The following MEF2C variants were observed in gnomAD, a reference collection of about 807,000 sequenced individuals.
MEF2C encodes the protein myocyte-specific enhancer factor 2C.
In MEF2C, 6 loss-of-function variants were observed where a neutral mutation model predicts 50.5. The ratio of observed to expected loss-of-function variants is 0.12; its 90% CI spans 0.07 to 0.23. The LOEUF (loss-of-function observed/expected upper bound fraction) is 0.23. Ranked by LOEUF, MEF2C falls within the 10% of genes least tolerant of loss-of-function variation. The probability of loss-of-function intolerance (pLI) is 1.00; values close to 1 mark genes in which losing one functional copy is unlikely to be tolerated. For missense variants in MEF2C, 276 were observed against 605.0 expected, an observed-to-expected ratio of 0.46 and a Z score of 5.70; for synonymous variants, 183 against 228.0, an observed-to-expected ratio of 0.80 and a Z score of 1.78.
intron 10 of MEF2C, among the ~76,000 whole-genome samples, chr5:88,724,574 T>C (rs531337585): frequency 9.2e-5 from 14 of 152,290 alleles, no homozygotes; most frequent in African/African-American, 3.4e-4. Context: ...CTACACTGAC[T>C]GTATATAATT....
intron 4 of MEF2C, chr5:88,760,883 C>G: frequency 7.9e-7 from 1 of 1,262,848 alleles, no homozygotes; most frequent in East Asian, 2.4e-5. Flanking sequence ...GGCTATTTAT[C>G]TGTTTGACTT....
intron 1 of MEF2C, among the ~76,000 whole-genome samples, chr5:88,898,504 G>C (rs924854718): frequency 1.3e-5 from 2 of 152,104 alleles, no homozygotes; most frequent in Non-Finnish European, 2.9e-5. Context: ...AGGAAAATAG[G>C]ACTGGCACTG....
chr5:88,733,763 T>C, intron 6 of MEF2C: 1 of 985,328 alleles, frequency 1.0e-6, no homozygotes, highest in Non-Finnish European at 1.2e-6. Context: ...TGAATAAAAT[T>C]ATCCCAGTTC....
At position 88,747,333 on chromosome 5, in the gene MEF2C, CTTTTTTTTTTTT is replaced by C. The variant is rs950842424; in HGVS notation, c.637+1725_637+1736del. ...CTCCACATTTTTTTTTTTTTTACTA[CTTTTTTTTTTTT>C]TTTTTTTTTTTTTTTTTTTTTGAGA... is the stretch of plus-strand genomic sequence containing the variant. On this transcript the variant is annotated intron_variant, in intron 6 of 10. Transcript: ENST00000504921. Among the ~76,000 whole-genome samples the C allele has an allele frequency of 1.1e-3, 23 of 21,748 alleles. No homozygotes were observed. The East Asian group carries it at 0.016, about 16-fold the overall frequency. 14.3% of individuals were successfully genotyped at this position (21,748 alleles called of 152,430 possible). A position where few individuals can be genotyped will look rare whatever the true frequency, so the allele number is the denominator to read the frequency against.
intron 9 of MEF2C, among the ~76,000 whole-genome samples, chr5:88,728,898 G>A (rs963125915): frequency 3.3e-5 from 5 of 152,092 alleles, no homozygotes; most frequent in African/African-American, 1.2e-4. Context: ...CTAGTATAAA[G>A]GTATGTACAT....
chr5:88,803,679 C>A (rs915944896), intron 3 of MEF2C, among the ~76,000 whole-genome samples: 9 of 152,252 alleles, frequency 5.9e-5, no homozygotes, highest in African/African-American at 2.2e-4. Flanking sequence ...TTAATCATTG[C>A]TCATGAAGGG....
chr5:88,736,761 C>T (rs1764297836), intron 6 of MEF2C: 2 of 985,292 alleles, frequency 2.0e-6, no homozygotes, highest in Admixed American at 6.1e-5. Context: ...CCCTGCCTGG[C>T]TCTCAGAACT....
chr5:88,810,683 G>A (rs1475597154), intron 2 of MEF2C, among the ~76,000 whole-genome samples: 3 of 152,106 alleles, frequency 2.0e-5, no homozygotes, highest in Admixed American at 6.6e-5. Flanking sequence ...TAATGAGGCC[G>A]ACTTAATTGA....
At chr5:88,825,980 G>A (rs1029674780) in intron 1 of MEF2C, 4 of 152,004 alleles carry the variant, frequency 2.6e-5, no homozygotes, top group African/African-American at 9.7e-5. Context: ...GAAGAGACAA[G>A]AACATCTACA....
At chr5:88,800,451 C>T (rs1797885115) in intron 3 of MEF2C, among the ~76,000 whole-genome samples, 1 of 152,192 alleles carries the variant, frequency 6.6e-6, no homozygotes, top group Non-Finnish European at 1.5e-5. Flanking sequence ...GTTTCAGAGT[C>T]TCTTCCACAG....
At chr5:88,901,771 G>A (rs559960063) in intron 1 of MEF2C, among the ~76,000 whole-genome samples, 1 of 151,910 alleles carries the variant, frequency 6.6e-6, no homozygotes, top group Non-Finnish European at 1.5e-5. Flanking sequence ...AAACATAGCT[G>A]CATGGTGGAC....
chr5:88,877,965 A>G (rs1419738926), intron 1 of MEF2C: 1 of 152,038 alleles, frequency 6.6e-6, no homozygotes, highest in Non-Finnish European at 1.5e-5. Flanking sequence ...CAATTCTCCA[A>G]GGGAAGAAAT....
intron 2 of MEF2C, among the ~76,000 whole-genome samples, chr5:88,822,410 C>T (rs1056297822): frequency 6.6e-6 from 1 of 151,822 alleles, no homozygotes; most frequent in Non-Finnish European, 1.5e-5. Flanking sequence ...CAGCAAGAAA[C>T]GATGTGCATG....
chr5:88,726,384 T>C (rs1758750800), intron 10 of MEF2C, among the ~76,000 whole-genome samples: 1 of 152,198 alleles, frequency 6.6e-6, no homozygotes, highest in Non-Finnish European at 1.5e-5. Flanking sequence ...TTACTTTACA[T>C]AAGTATTGCA....
At chr5:88,853,075 T>A (rs1184531319) in intron 1 of MEF2C, among the ~76,000 whole-genome samples, 1 of 151,920 alleles carries the variant, frequency 6.6e-6, no homozygotes, top group Non-Finnish European at 1.5e-5. Flanking sequence ...CTGAAAAAAA[T>A]TAATTGGGCA....
At chr5:88,865,021 G>GA (rs765216680) in intron 1 of MEF2C, among the ~76,000 whole-genome samples, 16 of 151,902 alleles carry the variant, frequency 1.1e-4, no homozygotes, top group Middle Eastern at 3.4e-3. Flanking sequence ...ACCTGCCTCC[G>GA]AAAGTGCTGG....
At position 88,749,098 on chromosome 5, in the gene MEF2C, G is replaced by C; in HGVS notation, c.609C>G (p.Asp203Glu). The C allele has an allele frequency of 6.3e-7, 1 of 1,575,832 alleles. No individual in the cohort carries two copies. The highest frequency in any genetic ancestry group is 8.6e-7 in the Non-Finnish European group (1 of 1,160,060). ...CACTGGTGCCTGCACCAGACGTGAG[G>C]TCTCCACCCATCAGACCACCTATGG... ...AGNTGGLMGG[D>E]LTSGAGTSAG... Residue 203 changes from aspartate to glutamate, a missense_variant, in exon 6 of 11, where the codon GAC becomes GAG. Coordinates refer to ENST00000504921, the MANE Select transcript of MEF2C (RefSeq NM_002397.5).
chr5:88,797,394 CT>C lies in MEF2C; in HGVS notation c.258+7203del, dbSNP rs897252115. ...CCATTATGTAATGCCCTTCTTGAGT[CT>C]TTTTTTATCTTTGTTGGTTTAAAGT... is the stretch of plus-strand genomic sequence containing the variant. On this transcript the variant is annotated intron_variant, in intron 3 of 10. Coordinates refer to ENST00000504921, the MANE Select transcript of MEF2C (RefSeq NM_002397.5). Among the ~76,000 whole-genome samples, 3 of 104,550 alleles carry C rather than the reference CT, an allele frequency of 2.9e-5. No homozygotes were observed. In the Admixed American group the frequency reaches 3.3e-4, roughly 11 times the overall value. 68.6% of individuals were successfully genotyped at this position (104,550 alleles called of 152,430 possible).
chr5:88,833,463 T>C (rs776143657), intron 1 of MEF2C, among the ~76,000 whole-genome samples: 2 of 152,060 alleles, frequency 1.3e-5, no homozygotes, highest in African/African-American at 2.4e-5. Context: ...AAAAAATCTG[T>C]AGAGAAATCA....
Sources: allele counts gnomAD v4.1 joint callset (sites outside exome capture counted in the v4.1 genomes callset), GRCh38; gene constraint gnomAD v4.1.1; transcripts MANE v1.5; gene names NCBI Gene and HGNC (gene_info 2026-07-23, HGNC 2026-07-21).